Variants in MKLN1 observed in about 807,000 individuals in gnomAD.
MKLN1 encodes muskelin.
A neutral mutation model predicts 99.0 loss-of-function variants in MKLN1; 18 were observed. The observed-to-expected ratio is 0.18, with a 90% CI of 0.13 to 0.27. The LOEUF is 0.27. Among genes scored for constraint, MKLN1 ranks in the 10% least tolerant of loss-of-function variants. MKLN1 has a pLI of 1.00. For synonymous variants in MKLN1, 288 were observed against 293.2 expected (o/e 0.98, Z 0.18); for missense variants, 621 against 875.9 (o/e 0.71, Z 3.67).
In MKLN1 at chr7:131,300,220, G is replaced by T. The variant is rs74836923; in HGVS notation, c.-178-75204G>T. On this transcript the variant is annotated intron_variant, in intron 3 of 7. Coordinates refer to the MKLN1 transcript ENST00000416992. ...ATAGTGAGGTGCAGAGGCTAAGAAA[G>T]AAATACAAGAAATAGGTGCAATAAG... Among the ~76,000 whole-genome samples the T allele has an allele frequency of 6.4e-3, 978 of 151,964 alleles. 11 individuals are homozygous for T. Among genetic ancestry groups the T allele is most frequent in the African/African-American group, 0.022 (922 of 41,436 alleles).
At chr7:131,204,664 T>C (rs951076611) in intron 3 of MKLN1, among the ~76,000 whole-genome samples, 1 of 149,170 alleles carries the variant, frequency 6.7e-6, no homozygotes, top group African/African-American at 2.5e-5. Flanking sequence ...ACCCCGTCTC[T>C]ATTAAAAATA....
chr7:131,134,896 C>T (rs1253284624), intron 1 of MKLN1, among the ~76,000 whole-genome samples: 6 of 152,190 alleles, frequency 3.9e-5, no homozygotes, highest in Admixed American at 2.0e-4. Flanking sequence ...AGTATCAAGT[C>T]CAGATTCCCT....
At chr7:131,353,608 A>G (rs1799782855) in intron 1 of MKLN1, among the ~76,000 whole-genome samples, 1 of 152,084 alleles carries the variant, frequency 6.6e-6, no homozygotes, top group Admixed American at 6.5e-5. Context: ...TTCTCAAAAT[A>G]AAAGTTTTTA....
chr7:131,127,453 A>C (rs1214243304), intron 1 of MKLN1, among the ~76,000 whole-genome samples: 1 of 152,206 alleles, frequency 6.6e-6, no homozygotes, highest in Non-Finnish European at 1.5e-5. Flanking sequence ...AAACTGATCA[A>C]AACCTCTGAG....
chr7:131,455,739 T>C (rs1195720558), intron 12 of MKLN1, among the ~76,000 whole-genome samples: 2 of 152,280 alleles, frequency 1.3e-5, no homozygotes, highest in South Asian at 4.1e-4. Context: ...CCCCCGCAAA[T>C]ATACCCATTA....
intron 2 of MKLN1, among the ~76,000 whole-genome samples, chr7:131,198,381 T>A (rs1037822184): frequency 6.6e-6 from 1 of 152,216 alleles, no homozygotes; most frequent in Non-Finnish European, 1.5e-5. Context: ...AATTTTTTTT[T>A]AAAGAAAAGC....
At chr7:131,272,393 G>A (rs1248276719) in intron 3 of MKLN1, among the ~76,000 whole-genome samples, 1 of 152,206 alleles carries the variant, frequency 6.6e-6, no homozygotes, top group African/African-American at 2.4e-5. Context: ...TGCAGTCAGG[G>A]TATTAGGAGG....
rs141888866 is a variant in MKLN1, at chr7:131,373,962, T to C, written c.99-1462T>C. ...ATATTGAGAGTTTGGAGGAGTACTA[T>C]TCATTTGTTTCATTGACCTTTCCTC... On this transcript the variant is annotated intron_variant, in intron 1 of 17. Transcript: ENST00000352689. Among the ~76,000 whole-genome samples, 3 of 152,286 alleles carry C rather than the reference T, an allele frequency of 2.0e-5. No homozygotes were observed. In the East Asian group the frequency reaches 5.8e-4, roughly 29 times the overall value.
At chr7:131,226,447 C>G (rs1797148913) in intron 3 of MKLN1, among the ~76,000 whole-genome samples, 1 of 152,112 alleles carries the variant, frequency 6.6e-6, no homozygotes, top group Non-Finnish European at 1.5e-5. Flanking sequence ...CATTGAGAGG[C>G]TTTTAGATGA....
chr7:131,343,580 C>T (rs1355269218), intron 1 of MKLN1, among the ~76,000 whole-genome samples: 2 of 152,258 alleles, frequency 1.3e-5, no homozygotes, highest in African/African-American at 4.8e-5. Context: ...GAATTCCCTT[C>T]TGTTTATTTA....
At chr7:131,286,655 A>T (rs997338652) in intron 3 of MKLN1, among the ~76,000 whole-genome samples, 1 of 152,216 alleles carries the variant, frequency 6.6e-6, no homozygotes, top group Non-Finnish European at 1.5e-5. Flanking sequence ...TGTTTAAAGT[A>T]CTGTGCTAAG....
At chr7:131,372,817 C>G (rs2116839477) in intron 1 of MKLN1, among the ~76,000 whole-genome samples, 1 of 150,768 alleles carries the variant, frequency 6.6e-6, no homozygotes, top group Non-Finnish European at 1.5e-5. Flanking sequence ...TGTAGACTGA[C>G]TGCCTTGGGT....
chr7:131,380,405 G>A (rs1234120135), intron 2 of MKLN1, among the ~76,000 whole-genome samples: 4 of 152,018 alleles, frequency 2.6e-5, no homozygotes, highest in Non-Finnish European at 4.4e-5. Flanking sequence ...GAAAATTTTG[G>A]CAAAGAACTG....
intron 2 of MKLN1, among the ~76,000 whole-genome samples, chr7:131,180,600 G>A (rs1382162752): frequency 4.6e-5 from 7 of 151,684 alleles, no homozygotes; most frequent in Non-Finnish European, 7.4e-5. Flanking sequence ...TCAGGAGACC[G>A]AGGCAGGAGA....
intron 1 of MKLN1, among the ~76,000 whole-genome samples, chr7:131,132,419 G>A (rs1365124251): frequency 6.6e-6 from 1 of 152,094 alleles, no homozygotes; most frequent in Admixed American, 6.5e-5. Flanking sequence ...GCAGCCAACT[G>A]GTAACAAAAG....
intron 3 of MKLN1, among the ~76,000 whole-genome samples, chr7:131,284,290 C>G (rs773187084): frequency 6.6e-6 from 1 of 152,186 alleles, no homozygotes; most frequent in East Asian, 1.9e-4. Context: ...CTAACCAACG[C>G]TGTCAAGTTT....
At chr7:131,364,011 C>A (rs1210726093) in intron 1 of MKLN1, among the ~76,000 whole-genome samples, 1 of 151,890 alleles carries the variant, frequency 6.6e-6, no homozygotes, top group African/African-American at 2.4e-5. Context: ...TAGTAAAATC[C>A]CCTTCTTACT....
intron 8 of MKLN1, among the ~76,000 whole-genome samples, chr7:131,420,783 C>T (rs1349251755): frequency 1.3e-5 from 2 of 152,054 alleles, no homozygotes; most frequent in African/African-American, 4.8e-5. Flanking sequence ...AGGGATCTTG[C>T]CTTATTTATT....
chr7:131,336,252 C>T (rs909865543), intron 1 of MKLN1, among the ~76,000 whole-genome samples: 1 of 152,066 alleles, frequency 6.6e-6, no homozygotes, highest in Admixed American at 6.5e-5. Context: ...TTCTTAGCTA[C>T]ACCTGCTTTA....
Sources: gnomAD v4.1 joint callset for allele counts (sites outside exome capture counted in the v4.1 genomes callset) on GRCh38, gnomAD v4.1.1 for gene constraint, MANE v1.5 for transcripts, NCBI Gene and HGNC (gene_info 2026-07-23, HGNC 2026-07-21) for gene names.